The following KIAA2012 variants were observed in gnomAD, a reference collection of about 807,000 sequenced individuals.
KIAA2012 encodes the protein uncharacterized protein KIAA2012.
In KIAA2012, 125 loss-of-function variants were observed where a neutral mutation model predicts 150.6. The ratio of observed to expected loss-of-function variants is 0.83; its 90% CI spans 0.72 to 0.96. The LOEUF (loss-of-function observed/expected upper bound fraction) is 0.96. Among genes scored for constraint, KIAA2012 ranks in the 40% least tolerant of loss-of-function variants. The pLI is 0.00. For synonymous variants in KIAA2012, 462 were observed against 504.7 expected, an observed-to-expected ratio of 0.92 and a Z score of 1.13; for missense variants, 1,219 against 1,354.9, an observed-to-expected ratio of 0.90 and a Z score of 1.57.
At chr2:202,148,839 C>T (rs1691358357) in intron 13 of KIAA2012, among the ~76,000 whole-genome samples, 1 of 152,140 alleles carries the variant, frequency 6.6e-6, no homozygotes, top group African/African-American at 2.4e-5. Flanking sequence ...GAGTGCCCTC[C>T]AAGTCAGCCT....
intron 21 of KIAA2012, among the ~76,000 whole-genome samples, chr2:202,194,809 C>T (rs1311827699): frequency 1.3e-5 from 2 of 152,052 alleles, no homozygotes; most frequent in Non-Finnish European, 2.9e-5. Context: ...CACACTATTG[C>T]CTGGGCTGGA....
Position 202,170,712 on chromosome 2 carries a change from A to G in KIAA2012, c.2119+5356A>G, listed in dbSNP as rs146697308. ...TGATCCAGATAGAGAGAAATCAGGT[A>G]GGGCTTCCTGTAGGAGGTAATGGCT... On this transcript the variant is annotated intron_variant, in intron 15 of 23. Transcript: ENST00000498697. 2.5e-3 allele frequency among the ~76,000 whole-genome samples: 382 copies of G among 152,316 alleles called. 2 individuals are homozygous for G. The highest frequency in any genetic ancestry group is 8.9e-3 in the African/African-American group (369 of 41,558).
chr2:202,086,964 G>T (rs1355472196), intron 2 of KIAA2012, among the ~76,000 whole-genome samples: 4 of 152,160 alleles, frequency 2.6e-5, no homozygotes, highest in Non-Finnish European at 5.9e-5. Flanking sequence ...CCACATATCA[G>T]AAATACTTTT....
intron 15 of KIAA2012, among the ~76,000 whole-genome samples, chr2:202,178,184 G>A (rs1289267258): frequency 1.3e-5 from 2 of 151,918 alleles, no homozygotes; most frequent in African/African-American, 4.8e-5. Context: ...GGGCAACAGA[G>A]TGAGACTCTG....
chr2:202,149,908 G>A (rs1459234117), intron 13 of KIAA2012, among the ~76,000 whole-genome samples: 1 of 152,204 alleles, frequency 6.6e-6, no homozygotes, highest in Non-Finnish European at 1.5e-5. Context: ...CTGTAGCTCA[G>A]ATATTATAAT....
intron 7 of KIAA2012, 44 bp downstream of exon 7, chr2:202,100,493 G>A (rs1191501759): frequency 1.3e-6 from 2 of 1,494,154 alleles, no homozygotes; most frequent in East Asian, 2.5e-5. Flanking sequence ...GAGAGAGAGA[G>A]GAGGGAAGAG....
chr2:202,135,912 G>A, intron 12 of KIAA2012: 1 of 196,812 alleles, frequency 5.1e-6, no homozygotes, highest in East Asian at 1.4e-4. Context: ...TCCTGGTCTT[G>A]TGTTATTTCA....
chr2:202,166,981 G>A (rs1365276333), intron 15 of KIAA2012, among the ~76,000 whole-genome samples: 1 of 152,132 alleles, frequency 6.6e-6, no homozygotes, highest in African/African-American at 2.4e-5. Flanking sequence ...GACCATCCTG[G>A]CTAACACGGT....
At chr2:202,156,151 A>G (rs1336715703) in intron 14 of KIAA2012, among the ~76,000 whole-genome samples, 1 of 152,018 alleles carries the variant, frequency 6.6e-6, no homozygotes, top group Non-Finnish European at 1.5e-5. Flanking sequence ...GTATGATTAC[A>G]CCTGTGAATA....
intron 12 of KIAA2012, among the ~76,000 whole-genome samples, chr2:202,135,441 A>ATCTTGCC (rs1691039671): frequency 1.3e-5 from 2 of 152,088 alleles, no homozygotes; most frequent in African/African-American, 4.8e-5. Flanking sequence ...CTTTGACTTG[A>ATCTTGCC]TCTTGCCGCA....
chr2:202,185,625 C>G (rs1454878302), intron 16 of KIAA2012, among the ~76,000 whole-genome samples: 1 of 151,744 alleles, frequency 6.6e-6, no homozygotes, highest in Non-Finnish European at 1.5e-5. Flanking sequence ...CCAAAAAACA[C>G]AAAAATTTTT....
chr2:202,163,104 C>CTTT (rs11435434), intron 14 of KIAA2012, among the ~76,000 whole-genome samples: 10 of 130,238 alleles, frequency 7.7e-5, no homozygotes, highest in Non-Finnish European at 1.3e-4. Flanking sequence ...CATGTATATT[C>CTTT]TTTTTTTTTT....
chr2:202,203,522 A>T (rs961342958), intron 23 of KIAA2012, among the ~76,000 whole-genome samples: 2 of 152,168 alleles, frequency 1.3e-5, no homozygotes, highest in Non-Finnish European at 2.9e-5. Flanking sequence ...GTAGCTATTT[A>T]AACTTGTTAA....
At chr2:202,088,286 T>A (rs1689626370) in intron 2 of KIAA2012, among the ~76,000 whole-genome samples, 1 of 152,264 alleles carries the variant, frequency 6.6e-6, no homozygotes, top group African/African-American at 2.4e-5. Flanking sequence ...TGAGGGGGAA[T>A]AAGTGTTGGG....
rs542280166 is a variant in KIAA2012 at position 202,188,851 on chromosome 2, G to A, written c.2491+585G>A. Among the ~76,000 whole-genome samples the A allele has an allele frequency of 9.7e-4, 147 of 152,272 alleles. 1 individual carries two copies. The highest frequency in any genetic ancestry group is 1.1e-3 in the Non-Finnish European group (72 of 68,014). On this transcript the variant is annotated intron_variant, in intron 18 of 23. Transcript: ENST00000498697. ...CCTCCAAGCTACGGTTTCTGTCTTG[G>A]TTCCCTATGTTGAGCCTGACCAGGA...
chr2:202,139,053 G>C lies in KIAA2012; in HGVS notation c.1908+545G>C, dbSNP rs183727403. Among the ~76,000 whole-genome samples the C allele has an allele frequency of 7.7e-4, 117 of 151,882 alleles. 1 individual carries two copies. The highest frequency in any genetic ancestry group is 2.7e-3 in the African/African-American group (113 of 41,412). ...GGAGTTCGAGACCAGCCTGGCCAAC[G>C]TGGTGAAACCAACCCCGTGTCTACT... On this transcript the variant is annotated intron_variant, in intron 13 of 23. Transcript: ENST00000498697.
chr2:202,138,362 T>C (rs16838883), intron 12 of KIAA2012, 70 bp from the exon 13 acceptor site: 331,350 of 964,560 alleles, frequency 0.34, 59,143 homozygotes, highest in East Asian at 0.63. Flanking sequence ...GTGTGTATGG[T>C]ATATATAAAA....
In KIAA2012 at chr2:202,096,712, T is replaced by C. The variant is rs1689893347; in HGVS notation, c.686-723T>C. Among the ~76,000 whole-genome samples the C allele has an allele frequency of 2.0e-5, 3 of 152,166 alleles. No homozygotes were observed. In the South Asian group the frequency reaches 6.2e-4, roughly 32 times the overall value. On this transcript the variant is annotated intron_variant, in intron 4 of 23. Transcript: ENST00000498697. ...CAAATTGTTCCATGGAGCTGCATGC[T>C]GGGAATAAAGGTATTGCTAAAGCTT... is the stretch of plus-strand genomic sequence containing the variant.
intron 15 of KIAA2012, among the ~76,000 whole-genome samples, chr2:202,171,397 C>G (rs1029756150): frequency 1.3e-5 from 2 of 152,234 alleles, no homozygotes; most frequent in African/African-American, 2.4e-5. Flanking sequence ...CTCTCGGGGC[C>G]TGCCGCGTTT....
Sources: gnomAD v4.1 joint callset for allele counts (sites outside exome capture counted in the v4.1 genomes callset) on GRCh38, gnomAD v4.1.1 for gene constraint, MANE v1.5 for transcripts, NCBI Gene and HGNC (gene_info 2026-07-23, HGNC 2026-07-21) for gene names.